The following APOB variants were observed in gnomAD, a reference collection of about 807,000 sequenced individuals.
The protein encoded by APOB is apolipoprotein B-100.
Under a neutral mutation model 314.1 loss-of-function variants are expected in APOB, and 153 were observed. That is an observed-to-expected ratio of 0.49 (90% confidence interval 0.43 to 0.56). The LOEUF is 0.56. APOB is among the 20% of genes least tolerant of loss of function. The probability of loss-of-function intolerance (pLI) is 0.00; values close to 1 mark genes in which losing one functional copy is unlikely to be tolerated. For missense variants in APOB, 5,430 were observed against 5,350.7 expected, an observed-to-expected ratio of 1.01 and a Z score of -0.46; for synonymous variants, 2,087 against 2,036.4, an observed-to-expected ratio of 1.02 and a Z score of -0.67.
At chr2:21,025,237 G>C (rs1455514581) in intron 15 of APOB, 113 bp from the exon 16 acceptor site, 1 of 1,033,364 alleles carries the variant, frequency 9.7e-7, no homozygotes, top group East Asian at 2.4e-5. Context: ...AAATGCTCCA[G>C]GTGAGGAACA....
intron 3 of APOB, 79 bp downstream of exon 3, chr2:21,042,282 T>C: frequency 9.6e-7 from 1 of 1,042,184 alleles, no homozygotes. Context: ...TCCGGGAAGG[T>C]CGCGTGTTGG....
rs535041755 is a variant in APOB at position 21,013,335 on chromosome 2, T to G, written c.4041A>C (p.Gln1347His). The G allele has an allele frequency of 3.7e-6, 6 of 1,614,090 alleles. No homozygotes were observed. The highest frequency in any genetic ancestry group is 1.7e-5 in the Admixed American group (1 of 60,008). Residue 1347 changes from glutamine to histidine, a missense_variant, in exon 25 of 29, where the codon CAA (glutamine) becomes CAC (histidine). Gln to His is a conservative substitution (Grantham distance 24). Coordinates refer to ENST00000233242, the MANE Select transcript of APOB (RefSeq NM_000384.3). Reference protein sequence around the residue: ...VPTFTIPKLYQLQVPLLGVLD... With the variant: ...VPTFTIPKLYHLQVPLLGVLD... ...GAACACCCAGGAGAGGCACTTGCAG[T>G]TGATACAACTTGGGAATGGTAAAAG... is the stretch of plus-strand genomic sequence containing the variant.
rs139158900 is a variant in APOB, at chr2:21,006,268, C to T, written c.10600G>A (p.Gly3534Ser). Reference sequence around the variant, plus strand: ...CAGATATCATCAATTTTGGAAGTGCCCTGCAGCTTCACTGAAGACCGTGTG... The same window carrying T: ...CAGATATCATCAATTTTGGAAGTGCTCTGCAGCTTCACTGAAGACCGTGTG... ...KSTRSSVKLQGTSKIDDIWNL... is the reference protein window; with the variant it reads ...KSTRSSVKLQSTSKIDDIWNL... Residue 3534 changes from glycine (G) to serine (S), a missense_variant, in exon 26 of 29, where the codon GGC becomes AGC. By Grantham distance (56) the Gly-to-Ser change is moderately conservative. Transcript: ENST00000233242. The T allele has an allele frequency of 1.9e-6, 3 of 1,613,860 alleles. No homozygotes were observed. Among genetic ancestry groups the T allele is most frequent in the African/African-American group, 1.3e-5 (1 of 74,870 alleles).
In APOB at chr2:21,032,374, C is replaced by A. The variant is rs747757675; in HGVS notation, c.1332G>T (p.Ala444=). ...CTCACTTGTTGACCGCGTGGCTCAGCGCATACAAGGTGGCTCGGCTGCGCT... is the reference window on the plus strand; with the variant it reads ...CTCACTTGTTGACCGCGTGGCTCAGAGCATACAAGGTGGCTCGGCTGCGCT... ...RDQRSRATLY[A]LSHAVNNYHK... Residue 444 remains alanine (A), a synonymous_variant, in exon 10 of 29, where the codon GCG becomes GCT. Transcript: ENST00000233242. The A allele has an allele frequency of 2.6e-5, 42 of 1,613,498 alleles. No homozygotes were observed. The highest frequency in any genetic ancestry group is 3.6e-5 in the Non-Finnish European group (42 of 1,180,020).
rs146687572 is a variant in APOB at position 21,001,752 on chromosome 2, C to T, written c.13670G>A (p.Gly4557Glu). 2 of 1,613,786 alleles carry T rather than the reference C, an allele frequency of 1.2e-6. No individual in the cohort carries two copies. Among genetic ancestry groups the T allele is most frequent in the Non-Finnish European group, 1.7e-6 (2 of 1,179,920 alleles). ...VMNPYMKLAPGELTIIL is the reference protein window; with the variant it reads ...VMNPYMKLAPEELTIIL ...AAATTAGAGGATGATAGTAAGTTCT[C>T]CTGGAGCAAGCTTCATGTAGGGGTT... is the stretch of plus-strand genomic sequence containing the variant. Residue 4557 changes from glycine to glutamate, a missense_variant, in exon 29 of 29, where the codon GGA becomes GAA. By Grantham distance (98) the Gly-to-Glu change is moderately conservative. This residue lies in a region of APOB where 3,281 missense variants were observed against 3,171.0 expected (regional missense o/e 1.03). Coordinates refer to ENST00000233242, the MANE Select transcript of APOB (RefSeq NM_000384.3).
At chr2:21,032,667 G>A in intron 9 of APOB, 86 bp from the exon 10 acceptor site, 1 of 1,063,948 alleles carries the variant, frequency 9.4e-7, no homozygotes. Flanking sequence ...TGCCAGGAGA[G>A]CCCTTAATCA....
rs775906910 is a variant in APOB at position 21,012,178 on chromosome 2, C to T, written c.4690G>A (p.Glu1564Lys). Residue 1564 changes from glutamate to lysine, a missense_variant, in exon 26 of 29, where the codon GAG (glutamate) becomes AAG (lysine). Coordinates refer to ENST00000233242, the MANE Select transcript of APOB (RefSeq NM_000384.3). ...IIKNTASLKY[E>K]NYELTLKSDT... ...GATTTTAAAGTCAGCTCGTAGTTCTCATACTTTAGGGAAGCAGTATTTTTA... is the reference window on the plus strand; with the variant it reads ...GATTTTAAAGTCAGCTCGTAGTTCTTATACTTTAGGGAAGCAGTATTTTTA... 5.6e-6 allele frequency: 9 copies of T among 1,601,614 alleles called. No homozygotes were observed. The highest frequency in any genetic ancestry group is 2.2e-5 in the East Asian group (1 of 44,720).
intron 4 of APOB, among the ~76,000 whole-genome samples, chr2:21,039,761 G>T (rs1664087876): frequency 6.6e-6 from 1 of 152,076 alleles, no homozygotes; most frequent in Non-Finnish European, 1.5e-5. Context: ...TGTATTTGGA[G>T]AAGACCAAGG....
chr2:21,033,711 T>C (rs1276762573), intron 8 of APOB, among the ~76,000 whole-genome samples, 193 bp from the exon 9 acceptor site: 1 of 152,220 alleles, frequency 6.6e-6, no homozygotes, highest in Admixed American at 6.5e-5. Context: ...ATCCTATCCC[T>C]GTGGGGTGGC....
rs752677728 is a variant in APOB, at chr2:21,005,744, A to T, written c.11124T>A (p.Phe3708Leu). The change falls in exon 26 of 29, where the codon TTT becomes TTA. Residue 3708 changes from phenylalanine (F) to leucine (L), a missense_variant. This residue lies in a region of APOB where 3,281 missense variants were observed against 3,171.0 expected (regional missense o/e 1.03). Coordinates refer to ENST00000233242, the MANE Select transcript of APOB (RefSeq NM_000384.3). ...AGCCATTGGGGTTTTTGGTGTACAC[A>T]AAGGCAGTTGAAACACGAAGATGCT... Reference protein sequence around the residue: ...RRQHLRVSTAFVYTKNPNGYS... With the variant: ...RRQHLRVSTALVYTKNPNGYS... The T allele has an allele frequency of 6.2e-7, 1 of 1,613,974 alleles. No homozygotes were observed. Among genetic ancestry groups the T allele is most frequent in the Non-Finnish European group, 8.5e-7 (1 of 1,179,932 alleles).
chr2:21,026,252 C>CT (rs35046475), intron 15 of APOB, among the ~76,000 whole-genome samples: 309 of 145,492 alleles, frequency 2.1e-3, no homozygotes, highest in African/African-American at 4.2e-3. Flanking sequence ...AGAGTTCATA[C>CT]TTTTTTTTTT....
In APOB at chr2:21,008,707, ATTCTGGAATTGCGAT is replaced by A; in HGVS notation, c.8146_8160del (p.Ile2716_Glu2720del). On this transcript the variant is annotated inframe_deletion, in exon 26 of 29. Transcript: ENST00000233242. ...TTAAGGTTGAGAGTTGGGATTATGA[ATTCTGGAATTGCGAT>A]TTCTGGTAAACGGAAGTCTGGCAGG... 1 of 1,614,090 alleles carries A rather than the reference ATTCTGGAATTGCGAT, an allele frequency of 6.2e-7. No homozygotes were observed. Among genetic ancestry groups the A allele is most frequent in the South Asian group, 1.1e-5 (1 of 91,082 alleles).
intron 26 of APOB, 151 bp downstream of exon 26, chr2:21,004,929 C>A: frequency 1.8e-6 from 2 of 1,087,436 alleles, no homozygotes; most frequent in Non-Finnish European, 2.7e-6. Context: ...TTGGTTTTTA[C>A]GTGTAGGGTA....
chr2:21,012,769 C>G lies in APOB; in HGVS notation c.4217-118G>C, dbSNP rs1663362249. On this transcript the variant is annotated intron_variant, in intron 25 of 28. Coordinates refer to ENST00000233242, the MANE Select transcript of APOB (RefSeq NM_000384.3). ...TTTTCTGGGCCAATTGTGCAATAGA[C>G]TCCTCCATCTGTAATGCAAAGATAA... 2.8e-6 allele frequency: 3 copies of G among 1,063,698 alleles called. No individual in the cohort carries two copies. In the African/African-American group the frequency reaches 4.8e-5, roughly 17 times the overall value. 65.9% of individuals were successfully genotyped at this position (1,063,698 alleles called of 1,614,324 possible).
At position 21,005,118 on chromosome 2, in the gene APOB, C is replaced by T; in HGVS notation, c.11750G>A (p.Cys3917Tyr). The T allele has an allele frequency of 1.2e-6, 2 of 1,614,000 alleles. No individual in the cohort carries two copies. The highest frequency in any genetic ancestry group is 2.2e-5 in the South Asian group (2 of 91,092). The change falls in exon 26 of 29, where the codon TGC (cysteine) becomes TAC (tyrosine). Residue 3917 changes from cysteine (C) to tyrosine (Y), a missense_variant. By Grantham distance (194) the Cys-to-Tyr change is radical (BLOSUM62 -2). This residue lies in a region of APOB where 3,281 missense variants were observed against 3,171.0 expected (regional missense o/e 1.03). Transcript: ENST00000233242. ...DYVETVLDST[C>Y]SSTVQFLEYE... Reference sequence around the variant, plus strand: ...TTCTAGGAACTGTACGGTTGAGCTGCATGTGGAATCCAGGACTGTTTCAAC... The same window carrying T: ...TTCTAGGAACTGTACGGTTGAGCTGTATGTGGAATCCAGGACTGTTTCAAC...
rs12720759 is a variant in APOB at position 21,025,229 on chromosome 2, A to C, written c.2245-105T>G. 2.6e-6 allele frequency: 3 copies of C among 1,149,026 alleles called. No homozygotes were observed. In the East Asian group the frequency reaches 7.2e-5, roughly 27 times the overall value. The allele number at this position is 1,149,026 out of a possible 1,614,324, so 71.2% of individuals were successfully genotyped here. ...GATGCAGCCAGGATGGGCCTAAAAA[A>C]TGCTCCAGGTGAGGAACAGGGAGAC... On this transcript the variant is annotated intron_variant, in intron 15 of 28. Coordinates refer to ENST00000233242, the MANE Select transcript of APOB (RefSeq NM_000384.3).
Position 21,008,330 on chromosome 2 carries a change from A to C in APOB, c.8538T>G (p.Phe2846Leu), listed in dbSNP as rs1225208703. The change falls in exon 26 of 29, where the codon TTT (phenylalanine) becomes TTG (leucine). Residue 2846 changes from phenylalanine to leucine, a missense_variant. By Grantham distance (22) the Phe-to-Leu change is conservative. Coordinates refer to ENST00000233242, the MANE Select transcript of APOB (RefSeq NM_000384.3). Reference sequence around the variant, plus strand: ...TTGATTTTCCCTCAATAGCATTTCCAAAAAACAGCATTTCACTCCCATGCT... The same window carrying C: ...TTGATTTTCCCTCAATAGCATTTCCCAAAAACAGCATTTCACTCCCATGCT... ...RTEHGSEMLFFGNAIEGKSNT... is the reference protein window; with the variant it reads ...RTEHGSEMLFLGNAIEGKSNT... The C allele has an allele frequency of 6.2e-6, 10 of 1,612,998 alleles. No individual in the cohort carries two copies. Among genetic ancestry groups the C allele is most frequent in the Non-Finnish European group, 8.5e-6 (10 of 1,179,196 alleles).
In APOB at chr2:21,026,970, A is replaced by G; in HGVS notation, c.2068-6T>C. On this transcript the variant is annotated splice_region_variant and splice_polypyrimidine_tract_variant and intron_variant, in intron 14 of 28. Transcript: ENST00000233242. ...CCTTTTCCTTCCAAGCCAATCTGAG[A>G]AAGAAAATCAGACAAGAAAATGGCA... 6.2e-7 allele frequency: 1 copy of G among 1,614,114 alleles called. No homozygotes were observed. The highest frequency in any genetic ancestry group is 8.5e-7 in the Non-Finnish European group (1 of 1,180,002).
rs988660222 is a variant in APOB at position 21,037,334 on chromosome 2, T to C, written c.538-79A>G. 21 of 1,426,100 alleles carry C rather than the reference T, an allele frequency of 1.5e-5. No individual in the cohort carries two copies. In the African/African-American group the frequency reaches 2.8e-4, roughly 19 times the overall value. 88.3% of individuals were successfully genotyped at this position (1,426,100 alleles called of 1,614,324 possible). A position where few individuals can be genotyped will look rare whatever the true frequency, so the allele number is the denominator to read the frequency against. ...GTACTTGGGAGGGATGGGGTGGGGA[T>C]CGTGAAAGAAAAAGCAGAAGGAATC... On this transcript the variant is annotated intron_variant, in intron 5 of 28. Coordinates refer to ENST00000233242, the MANE Select transcript of APOB (RefSeq NM_000384.3).
Sources: gnomAD v4.1 joint callset for allele counts (sites outside exome capture counted in the v4.1 genomes callset) on GRCh38, gnomAD v4.1.1 for gene constraint, gnomAD v4.1.1 regional missense constraint, MANE v1.5 for transcripts, NCBI Gene and HGNC (gene_info 2026-07-23, HGNC 2026-07-21) for gene names.